Variants in EPB41L4A observed in about 807,000 individuals in gnomAD.
EPB41L4A encodes erythrocyte membrane protein band 4.1 like 4A.
Under a neutral mutation model 108.6 loss-of-function variants are expected in EPB41L4A, and 100 were observed. That is an observed-to-expected ratio of 0.92 (90% CI 0.78 to 1.09). The LOEUF (loss-of-function observed/expected upper bound fraction) is 1.09, where lower values mean the gene tolerates loss of function less well. Among genes scored for constraint, EPB41L4A ranks in the 50% least tolerant of loss-of-function variants. The pLI, the probability that EPB41L4A is intolerant of heterozygous loss-of-function variation, is 0.00. For missense variants in EPB41L4A, 1,030 were observed against 842.7 expected (o/e 1.22, Z -2.75); for synonymous variants, 319 against 289.0 (o/e 1.10, Z -1.05).
intron 9 of EPB41L4A, among the ~76,000 whole-genome samples, chr5:112,248,757 G>C (rs938855727): frequency 6.6e-6 from 1 of 152,078 alleles, no homozygotes; most frequent in East Asian, 1.9e-4. Flanking sequence ...TTCTTCTAAG[G>C]GTACTGGGAT....
chr5:112,348,097 C>G (rs1757802279), intron 1 of EPB41L4A, among the ~76,000 whole-genome samples: 1 of 152,192 alleles, frequency 6.6e-6, no homozygotes, highest in South Asian at 2.1e-4. Flanking sequence ...TCAAGATAAG[C>G]CAACATGTGC....
Position 112,321,541 on chromosome 5 carries a change from A to G in EPB41L4A, c.100-14051T>C, listed in dbSNP as rs551099407. Among the ~76,000 whole-genome samples, 51 of 152,300 alleles carry G rather than the reference A, an allele frequency of 3.3e-4. 1 individual carries two copies. The South Asian group carries it at 7.9e-3, about 24-fold the overall frequency. ...TGGCAAAATGCTCTCTCCTAAATTAATAACAGCATAGCTTATTACCATGGC... is the reference window on the plus strand; with the variant it reads ...TGGCAAAATGCTCTCTCCTAAATTAGTAACAGCATAGCTTATTACCATGGC... On this transcript the variant is annotated intron_variant, in intron 1 of 22. Coordinates refer to ENST00000261486, the MANE Select transcript of EPB41L4A (RefSeq NM_022140.5).
intron 1 of EPB41L4A, among the ~76,000 whole-genome samples, chr5:112,348,328 C>G (rs1220216034): frequency 6.6e-6 from 1 of 152,182 alleles, no homozygotes; most frequent in South Asian, 2.1e-4. Context: ...AGCCTATAAA[C>G]CTCTCAAAAG....
At chr5:112,303,719 G>T (rs1169394270) in intron 2 of EPB41L4A, among the ~76,000 whole-genome samples, 1 of 152,138 alleles carries the variant, frequency 6.6e-6, no homozygotes, top group Non-Finnish European at 1.5e-5. Context: ...GGCAAGGCAG[G>T]GCCAGTTTCA....
intron 1 of EPB41L4A, among the ~76,000 whole-genome samples, chr5:112,413,061 G>T (rs1762501631): frequency 6.6e-6 from 1 of 152,228 alleles, no homozygotes; most frequent in South Asian, 2.1e-4. Flanking sequence ...CAACCAACAT[G>T]GTTCTCAGTT....
chr5:112,337,770 A>G (rs1757018170), intron 1 of EPB41L4A, among the ~76,000 whole-genome samples: 1 of 152,184 alleles, frequency 6.6e-6, no homozygotes, highest in Non-Finnish European at 1.5e-5. Context: ...TACTGGGGAA[A>G]AGGTGCTAGG....
Sources: gnomAD v4.1 joint callset for allele counts (sites outside exome capture counted in the v4.1 genomes callset) on GRCh38, gnomAD v4.1.1 for gene constraint, MANE v1.5 for transcripts, NCBI Gene and HGNC (gene_info 2026-07-23, HGNC 2026-07-21) for gene names.